DYNC1LI1: variants seen among roughly 807,000 people sequenced by gnomAD.
DYNC1LI1 encodes the protein dynein cytoplasmic 1 light intermediate chain 1.
Under a neutral mutation model 63.8 loss-of-function variants are expected in DYNC1LI1, and 19 were observed. The ratio of observed to expected loss-of-function variants is 0.30; its 90% CI spans 0.21 to 0.44. The LOEUF (loss-of-function observed/expected upper bound fraction) is 0.44, where lower values mean the gene tolerates loss of function less well. DYNC1LI1 is among the 20% of genes least tolerant of loss of function. The pLI is 1.00. For missense variants in DYNC1LI1, 565 were observed against 630.2 expected, an observed-to-expected ratio of 0.90 and a Z score of 1.11; for synonymous variants, 225 against 232.3, an observed-to-expected ratio of 0.97 and a Z score of 0.28.
intron 6 of DYNC1LI1, among the ~76,000 whole-genome samples, chr3:32,536,218 T>A (rs1013608975): frequency 3.3e-5 from 5 of 152,202 alleles, no homozygotes; most frequent in African/African-American, 1.2e-4. Flanking sequence ...GTAGACACCA[T>A]AAACGTGTGT....
In DYNC1LI1 at chr3:32,543,722, T is replaced by C. The variant is rs189050053; in HGVS notation, c.568+1154A>G. Among the ~76,000 whole-genome samples the C allele has an allele frequency of 1.7e-3, 254 of 151,170 alleles. 3 individuals carry two copies. Among genetic ancestry groups the C allele is most frequent in the Non-Finnish European group, 1.2e-4 (8 of 67,698 alleles). ...CGCCTGGCCCACCTATGTATTTTCT[T>C]ATGCAAAGCACAATATTGGCAAATG... On this transcript the variant is annotated intron_variant, in intron 4 of 12. Transcript: ENST00000273130.
chr3:32,535,587 A>C (rs536767006), intron 6 of DYNC1LI1, among the ~76,000 whole-genome samples: 1 of 152,362 alleles, frequency 6.6e-6, no homozygotes, highest in Admixed American at 6.5e-5. Context: ...TGGTAGAGAC[A>C]AACATAATCT....
Position 32,537,081 on chromosome 3 carries a change from C to T in DYNC1LI1, c.762G>A (p.Glu254=). Residue 254 remains glutamate, a synonymous_variant, in exon 6 of 13, where the codon GAG becomes GAA. Coordinates refer to ENST00000273130, the MANE Select transcript of DYNC1LI1 (RefSeq NM_016141.4). ...CTKCDAISVL[E]KEHDYRDEHF... is the part of the protein sequence containing the mutation. ...GTTCATCTCTGTAGTCATGTTCTTT[C>T]TCCAATACACTAATGGCATCACACT... 6.3e-7 allele frequency: 1 copy of T among 1,580,182 alleles called. No homozygotes were observed. The highest frequency in any genetic ancestry group is 8.6e-7 in the Non-Finnish European group (1 of 1,163,010).
intron 4 of DYNC1LI1, among the ~76,000 whole-genome samples, chr3:32,544,024 C>T (rs192381478): frequency 7.2e-5 from 11 of 151,838 alleles, no homozygotes; most frequent in Non-Finnish European, 1.5e-4. Context: ...CAAGATTGTG[C>T]CACTGTACTT....
intron 2 of DYNC1LI1, among the ~76,000 whole-genome samples, chr3:32,558,853 A>G (rs1284459442): frequency 6.6e-6 from 1 of 152,102 alleles, no homozygotes; most frequent in Admixed American, 6.6e-5. Flanking sequence ...TCTCAAAAAA[A>G]AAAAAAATAA....
At chr3:32,533,833 A>G (rs9310993) in intron 7 of DYNC1LI1, among the ~76,000 whole-genome samples, 4,689 of 149,004 alleles carry the variant, frequency 0.031, 251 homozygotes, top group African/African-American at 0.11. Flanking sequence ...AAGTGCTGGG[A>G]TTTTAGGCAT....
chr3:32,558,690 A>G (rs1435146603), intron 2 of DYNC1LI1, among the ~76,000 whole-genome samples: 2 of 152,072 alleles, frequency 1.3e-5, no homozygotes, highest in African/African-American at 4.8e-5. Flanking sequence ...TACTAAAAAT[A>G]CAAAATTAGC....
In DYNC1LI1 at chr3:32,532,989, T is replaced by C. The variant is rs1697722677; in HGVS notation, c.1077A>G (p.Arg359=). The change falls in exon 8 of 13, where the codon CGA becomes CGG. Residue 359 remains arginine (R), a synonymous_variant. Transcript: ENST00000273130. ...GATTATTTACTAAAATGGTTACCTTTCGAACAGGTGGTTTAGTTATGATGT... is the reference window on the plus strand; with the variant it reads ...GATTATTTACTAAAATGGTTACCTTCCGAACAGGTGGTTTAGTTATGATGT... ...FEDIITKPPV[R]KFVHEKEIMA... 1 of 1,573,506 alleles carries C rather than the reference T, an allele frequency of 6.4e-7. No individual in the cohort carries two copies. The highest frequency in any genetic ancestry group is 2.0e-5 in the Admixed American group (1 of 50,136).
chr3:32,528,947 T>C (rs1387742225), intron 11 of DYNC1LI1, among the ~76,000 whole-genome samples: 1 of 152,184 alleles, frequency 6.6e-6, no homozygotes, highest in African/African-American at 2.4e-5. Flanking sequence ...TACAGAATCC[T>C]ATATGAAAAC....
At chr3:32,541,326 C>A in intron 4 of DYNC1LI1, 120 bp from the exon 5 acceptor site, 5 of 644,916 alleles carry the variant, frequency 7.8e-6, no homozygotes, top group Admixed American at 3.2e-5. Context: ...AGAGAAGAAA[C>A]AAAAAGGGTT....
intron 2 of DYNC1LI1, among the ~76,000 whole-genome samples, chr3:32,569,569 TAGAG>T (rs1334812661): frequency 6.6e-6 from 1 of 152,208 alleles, no homozygotes; most frequent in South Asian, 2.1e-4. Context: ...AAGAGCTATA[TAGAG>T]AAATTTCTCC....
intron 2 of DYNC1LI1, chr3:32,570,136 G>A (rs1271445473): frequency 1.5e-6 from 1 of 688,230 alleles, no homozygotes; most frequent in Admixed American, 2.1e-5. Context: ...AGGAGGAGGA[G>A]GAACCTGAGG....
In DYNC1LI1 at chr3:32,548,275, T is replaced by C. The variant is rs765733195; in HGVS notation, c.221-2310A>G. Reference sequence around the variant, plus strand: ...CAGCAGTGCCGGCATTAGATTCTCATAGGAGCCCAAACCCTAATGTGAACT... The same window carrying C: ...CAGCAGTGCCGGCATTAGATTCTCACAGGAGCCCAAACCCTAATGTGAACT... On this transcript the variant is annotated intron_variant, in intron 2 of 12. Transcript: ENST00000273130. Among the ~76,000 whole-genome samples the C allele has an allele frequency of 4.9e-4, 74 of 152,196 alleles. 2 individuals carry two copies. The highest frequency in any genetic ancestry group is 9.2e-4 in the Admixed American group (14 of 15,278).
intron 2 of DYNC1LI1, chr3:32,566,865 A>C: frequency 3.6e-6 from 1 of 281,098 alleles, no homozygotes; most frequent in East Asian, 1.2e-4. Context: ...ACCTACTTAA[A>C]ATACATGTGC....
chr3:32,558,962 A>G (rs1698152835), intron 2 of DYNC1LI1, among the ~76,000 whole-genome samples: 1 of 152,020 alleles, frequency 6.6e-6, no homozygotes, highest in South Asian at 2.1e-4. Context: ...AAATAATTCC[A>G]TTTGTTCCCC....
At chr3:32,565,805 C>T (rs1237984262) in intron 2 of DYNC1LI1, among the ~76,000 whole-genome samples, 1 of 152,098 alleles carries the variant, frequency 6.6e-6, no homozygotes, top group African/African-American at 2.4e-5. Context: ...GACTGGGTTT[C>T]ACCATATTGG....
intron 2 of DYNC1LI1, among the ~76,000 whole-genome samples, chr3:32,548,605 T>C (rs990822367): frequency 4.0e-5 from 6 of 151,466 alleles, no homozygotes; most frequent in South Asian, 4.2e-4. Context: ...GGGAAGGGAG[T>C]TGGGGAGAGA....
chr3:32,531,784 T>C (rs546418391), intron 8 of DYNC1LI1: 3 of 152,314 alleles, frequency 2.0e-5, no homozygotes, highest in Non-Finnish European at 4.4e-5. Context: ...TTTCTTGATA[T>C]ATATGTCAAG....
At chr3:32,554,378 C>A (rs1170712861) in intron 2 of DYNC1LI1, among the ~76,000 whole-genome samples, 1 of 152,156 alleles carries the variant, frequency 6.6e-6, no homozygotes, top group Non-Finnish European at 1.5e-5. Context: ...GTATGTTAAA[C>A]ATAGTAGTTT....
Sources: allele counts gnomAD v4.1 joint callset (sites outside exome capture counted in the v4.1 genomes callset), GRCh38; gene constraint gnomAD v4.1.1; transcripts MANE v1.5; gene names NCBI Gene and HGNC (gene_info 2026-07-23, HGNC 2026-07-21).